Variants in BAG1 observed in about 807,000 individuals in gnomAD.
BAG1 encodes BAG family molecular chaperone regulator 1.
A neutral mutation model predicts 35.5 loss-of-function variants in BAG1; 35 were observed. The observed-to-expected ratio is 0.99, with a 90% CI of 0.75 to 1.31. The LOEUF is 1.31. Among genes scored for constraint, BAG1 ranks in the 50% most tolerant of loss-of-function variants. BAG1 has a pLI of 0.00. For synonymous variants in BAG1, 191 were observed against 178.9 expected (o/e 1.07, Z -0.54); for missense variants, 464 against 453.6 (o/e 1.02, Z -0.21).
chr9:33,255,770 C>A, intron 6 of BAG1, 95 bp downstream of exon 6: 1 of 1,387,618 alleles, frequency 7.2e-7, no homozygotes, highest in Non-Finnish European at 1.0e-6. Context: ...CCATACCACA[C>A]ACCACGCTCC....
chr9:33,263,093 T>C (rs1193306967), intron 1 of BAG1, among the ~76,000 whole-genome samples: 2 of 152,222 alleles, frequency 1.3e-5, no homozygotes, highest in Non-Finnish European at 2.9e-5. Flanking sequence ...AATCCTCAGA[T>C]AAACCCCACG....
chr9:33,261,447 C>T (rs1336861118), intron 2 of BAG1, among the ~76,000 whole-genome samples: 1 of 152,112 alleles, frequency 6.6e-6, no homozygotes, highest in Non-Finnish European at 1.5e-5. Flanking sequence ...CAGGGACCAA[C>T]GAACCACACT....
rs1485117741 is a variant in BAG1 at position 33,264,658 on chromosome 9, C to G, written c.17G>C (p.Gly6Ala). ...CCGGTCGCCTCGCGGTCTCCGCGCC[C>G]CCCCGCGCTGAGCCAGGCCCGCACT... The change falls in exon 1 of 7, where the codon GGG becomes GCG. Residue 6 changes from glycine to alanine, a missense_variant. Gly to Ala is a moderately conservative substitution (Grantham distance 60). Coordinates refer to ENST00000634734, the MANE Select transcript of BAG1 (RefSeq NM_004323.6). 7.4e-6 allele frequency: 10 copies of G among 1,347,606 alleles called. No homozygotes were observed. Among genetic ancestry groups the G allele is most frequent in the South Asian group, 5.8e-5 (3 of 51,892 alleles). The allele number at this position is 1,347,606 out of a possible 1,614,324, so 83.5% of individuals were successfully genotyped here.
chr9:33,258,945 T>G lies in BAG1; in HGVS notation c.752A>C (p.Asn251Thr). Residue 251 changes from asparagine (N) to threonine (T), a missense_variant, in exon 4 of 7, where the codon AAT becomes ACT. Asn to Thr is a moderately conservative substitution (Grantham distance 65, BLOSUM62 0). Coordinates refer to ENST00000634734, the MANE Select transcript of BAG1 (RefSeq NM_004323.6). Reference sequence around the variant, plus strand: ...CTGCTGGATTCCAGTAAGCTCTTTATTCAACTCTTCCAGCTGGTCAGCTAT... The same window carrying G: ...CTGCTGGATTCCAGTAAGCTCTTTAGTCAACTCTTCCAGCTGGTCAGCTAT... 1 of 1,614,188 alleles carries G rather than the reference T, an allele frequency of 6.2e-7. No homozygotes were observed. The highest frequency in any genetic ancestry group is 8.5e-7 in the Non-Finnish European group (1 of 1,179,992).
At chr9:33,256,031 C>T in intron 5 of BAG1, 104 bp from the exon 6 acceptor site, 1 of 1,053,484 alleles carries the variant, frequency 9.5e-7, no homozygotes, top group Non-Finnish European at 1.5e-6. Context: ...ACCCACAGTA[C>T]ACAAAACAGG....
rs1820373035 is a variant in BAG1 at position 33,253,125 on chromosome 9, T to A, written c.*2094A>T. On this transcript the variant is annotated 3_prime_UTR_variant, in exon 7 of 7. Transcript: ENST00000634734. The stretch of plus-strand genomic sequence containing the variant: ...ATTTGCACTTCATGATCACTCGGGC[T>A]GCTCTAAAGAAAATGAACTAGAGCA... 1 of 152,242 alleles carries A rather than the reference T, an allele frequency of 6.6e-6. No individual in the cohort carries two copies. Among genetic ancestry groups the A allele is most frequent in the Non-Finnish European group, 1.5e-5 (1 of 68,064 alleles). The allele number at this position is 152,242 out of a possible 1,614,324, so 9.4% of individuals were successfully genotyped here.
rs987493668 is a variant in BAG1 at position 33,252,585 on chromosome 9, A to G, written c.*2634T>C. Reference sequence around the variant, plus strand: ...TATATATATATGTTATATATGTAATATAACTATATTACAAGTTATGCTTGA... The same window carrying G: ...TATATATATATGTTATATATGTAATGTAACTATATTACAAGTTATGCTTGA... On this transcript the variant is annotated 3_prime_UTR_variant, in exon 7 of 7. Transcript: ENST00000634734. 1 of 150,636 alleles carries G rather than the reference A, an allele frequency of 6.6e-6. No individual in the cohort carries two copies. The highest frequency in any genetic ancestry group is 1.5e-5 in the Non-Finnish European group (1 of 67,752). The allele number at this position is 150,636 out of a possible 1,614,324, so 9.3% of individuals were successfully genotyped here.
chr9:33,260,704 T>C (rs1456898405), intron 3 of BAG1, among the ~76,000 whole-genome samples: 7 of 152,224 alleles, frequency 4.6e-5, no homozygotes, highest in Non-Finnish European at 8.8e-5. Flanking sequence ...GAGAGGCTCC[T>C]GAACTGGAAC....
chr9:33,262,556 C>G (rs997942596), intron 2 of BAG1, 146 bp downstream of exon 2: 2 of 913,780 alleles, frequency 2.2e-6, no homozygotes, highest in Non-Finnish European at 3.1e-6. Context: ...ACTTGAGAGG[C>G]TGAGGCAGGA....
In BAG1 at chr9:33,252,943, G is replaced by A. The variant is rs79348838; in HGVS notation, c.*2276C>T. The A allele has an allele frequency of 0.022, 3,377 of 152,352 alleles. 144 individuals are homozygous for A. Among genetic ancestry groups the A allele is most frequent in the African/African-American group, 0.077 (3,196 of 41,484 alleles). 9.4% of individuals were successfully genotyped at this position (152,352 alleles called of 1,614,324 possible). On this transcript the variant is annotated 3_prime_UTR_variant, in exon 7 of 7. Transcript: ENST00000634734. ...CAAAGACCCCCAGGCAGGAGAGGGT[G>A]CAGTGCATCTGAGGACCTGAAAGAA...
In BAG1 at chr9:33,262,789, T is replaced by C. The variant is rs1005493392; in HGVS notation, c.493A>G (p.Ser165Gly). ...AGGTCTTGGACAACTGGTTCACTGC[T>C]GCCCTGCTGGGAGGTAACATGAAGG... The change falls in exon 2 of 7, where the codon AGC becomes GGC. Residue 165 changes from serine to glycine, a missense_variant. Transcript: ENST00000634734. The C allele has an allele frequency of 6.2e-7, 1 of 1,614,188 alleles. No individual in the cohort carries two copies. The highest frequency in any genetic ancestry group is 1.7e-5 in the Admixed American group (1 of 60,030).
At chr9:33,257,866 A>G (rs1409173245) in intron 4 of BAG1, 3 of 152,232 alleles carry the variant, frequency 2.0e-5, no homozygotes, top group African/African-American at 7.2e-5. Flanking sequence ...TTTAAGATGA[A>G]AAATATATTT....
intron 2 of BAG1, among the ~76,000 whole-genome samples, chr9:33,261,715 GCCT>G (rs1274978554): frequency 6.6e-6 from 1 of 152,044 alleles, no homozygotes; most frequent in African/African-American, 2.4e-5. Context: ...AAATAAAAAT[GCCT>G]CCTATTACTA....
chr9:33,264,268 C>A lies in BAG1; in HGVS notation c.407G>T (p.Arg136Met). ...GAGCCCAGCTGCCGCCATTTCCTCC[C>A]TGGTCACCTCCTCGCTCCGGGTCGA... Residue 136 changes from arginine (R) to methionine (M), a missense_variant, in exon 1 of 7, where the codon AGG (arginine) becomes ATG (methionine). By Grantham distance (91) the Arg-to-Met change is moderately conservative. Transcript: ENST00000634734. 1 of 1,613,580 alleles carries A rather than the reference C, an allele frequency of 6.2e-7. No individual in the cohort carries two copies. The highest frequency in any genetic ancestry group is 8.5e-7 in the Non-Finnish European group (1 of 1,179,896).
rs1320852691 is a variant in BAG1 at position 33,256,825 on chromosome 9, C to A, written c.861G>T (p.Lys287Asn). ...CCAGTGTGTCAATCTCCTCCAAGATCTTCATAAACTGCTCTATTGTGGCTT... is the reference window on the plus strand; with the variant it reads ...CCAGTGTGTCAATCTCCTCCAAGATATTCATAAACTGCTCTATTGTGGCTT... Residue 287 changes from lysine to asparagine, a missense_variant, in exon 5 of 7, where the codon AAG (lysine) becomes AAT (asparagine). Transcript: ENST00000634734. The A allele has an allele frequency of 6.2e-7, 1 of 1,613,998 alleles. No homozygotes were observed. Among genetic ancestry groups the A allele is most frequent in the African/African-American group, 1.3e-5 (1 of 74,944 alleles).
chr9:33,255,386 C>T, intron 6 of BAG1, 78 bp from the exon 7 acceptor site: 1 of 1,602,008 alleles, frequency 6.2e-7, no homozygotes, highest in African/African-American at 1.3e-5. Context: ...CTTGCTTACC[C>T]ATTCTGGGGA....
rs771764541 is a variant in BAG1 at position 33,255,179 on chromosome 9, C to T, written c.*40G>A. On this transcript the variant is annotated 3_prime_UTR_variant, in exon 7 of 7. Transcript: ENST00000634734. ...GCTCCAGAGACGGCAGAGCTGGTGG[C>T]GCCATTCTTCAGGGCAGCACAGCCT... The T allele has an allele frequency of 4.1e-5, 66 of 1,614,136 alleles. No individual in the cohort carries two copies. The highest frequency in any genetic ancestry group is 5.2e-5 in the Non-Finnish European group (61 of 1,179,988).
At chr9:33,258,318 A>G (rs1587788183) in intron 4 of BAG1, among the ~76,000 whole-genome samples, 1 of 150,820 alleles carries the variant, frequency 6.6e-6, no homozygotes, top group Middle Eastern at 3.4e-3. Flanking sequence ...AAAAAAAAAA[A>G]AAAAGCCAAA....
intron 6 of BAG1, 89 bp downstream of exon 6, chr9:33,255,776 G>T: frequency 1.4e-6 from 2 of 1,422,592 alleles, no homozygotes; most frequent in Non-Finnish European, 2.0e-6. Flanking sequence ...CACACACCAC[G>T]CTCCTACACT....
Sources: gnomAD v4.1 joint callset for allele counts (sites outside exome capture counted in the v4.1 genomes callset) on GRCh38, gnomAD v4.1.1 for gene constraint, MANE v1.5 for transcripts, NCBI Gene and HGNC (gene_info 2026-07-23, HGNC 2026-07-21) for gene names.